The following TMEM68 variants were observed in gnomAD, a reference collection of about 807,000 sequenced individuals.
TMEM68 encodes DGAT1/2-independent enzyme synthesizing storage lipids.
A neutral mutation model predicts 36.9 loss-of-function variants in TMEM68; 25 were observed. That is an observed-to-expected ratio of 0.68 (90% CI 0.49 to 0.95). The LOEUF is 0.95. Ranked by LOEUF, TMEM68 falls within the 40% of genes least tolerant of loss-of-function variation. The probability of loss-of-function intolerance (pLI) is 0.00; values close to 1 mark genes in which losing one functional copy is unlikely to be tolerated. For synonymous variants in TMEM68, 131 were observed against 124.4 expected (o/e 1.05, Z -0.35); for missense variants, 333 against 392.0 (o/e 0.85, Z 1.27).
At chr8:55,765,226 C>T (rs1810927581) in intron 1 of TMEM68, among the ~76,000 whole-genome samples, 1 of 152,118 alleles carries the variant, frequency 6.6e-6, no homozygotes, top group South Asian at 2.1e-4. Context: ...AGTTTTGTAC[C>T]ACAGACCCTC....
At chr8:55,751,919 C>T (rs1296173651) in intron 4 of TMEM68, among the ~76,000 whole-genome samples, 5 of 152,222 alleles carry the variant, frequency 3.3e-5, no homozygotes, top group Middle Eastern at 3.4e-3. Context: ...TTAAAAACTA[C>T]GCAGACTGGT....
intron 7 of TMEM68, among the ~76,000 whole-genome samples, chr8:55,740,845 C>T (rs116813206): frequency 0.012 from 1,896 of 152,262 alleles, 38 homozygotes; most frequent in African/African-American, 0.044. Context: ...AGGCATGAGT[C>T]ATCATGAACT....
chr8:55,767,664 A>C (rs1811013452), intron 1 of TMEM68, among the ~76,000 whole-genome samples: 1 of 152,178 alleles, frequency 6.6e-6, no homozygotes, highest in Admixed American at 6.6e-5. Flanking sequence ...CTGGCCAGGC[A>C]CAGTGGCTCA....
At chr8:55,750,426 C>T (rs1427199779) in intron 5 of TMEM68, among the ~76,000 whole-genome samples, 2 of 152,018 alleles carry the variant, frequency 1.3e-5, no homozygotes, top group Admixed American at 6.6e-5. Context: ...CAGAAACTTT[C>T]CATAGGTAAT....
intron 3 of TMEM68, chr8:55,760,970 A>C (rs545216861): frequency 6.6e-6 from 1 of 152,352 alleles, no homozygotes; most frequent in South Asian, 2.1e-4. Context: ...GAAGGATTCT[A>C]TACAGAATAT....
intron 1 of TMEM68, among the ~76,000 whole-genome samples, chr8:55,764,526 G>A (rs1452610220): frequency 2.0e-5 from 3 of 152,182 alleles, no homozygotes; most frequent in Non-Finnish European, 4.4e-5. Context: ...AAGGATGAAA[G>A]GAGAGGAGGA....
intron 7 of TMEM68, among the ~76,000 whole-genome samples, chr8:55,742,173 C>T (rs1246528912): frequency 1.3e-5 from 2 of 152,104 alleles, no homozygotes; most frequent in Non-Finnish European, 2.9e-5. Flanking sequence ...TATGATTTCA[C>T]TCATATGAGG....
At chr8:55,770,134 A>C (rs534089949) in intron 1 of TMEM68, among the ~76,000 whole-genome samples, 8 of 152,342 alleles carry the variant, frequency 5.3e-5, no homozygotes, top group African/African-American at 1.9e-4. Context: ...CAGAAAGCCA[A>C]GTTTGCTTGC....
At position 55,740,180 on chromosome 8, in the gene TMEM68, T is replaced by C; in HGVS notation, c.927A>G (p.Gln309=). ...CACTCATAATGTTTCCTGGTATTCT[T>C]TGGTGCTTATCAATCAAAGCTTGAA... ...NAVQALIDKH[Q]RIPGNIMSAL... The change falls in exon 8 of 8, where the codon CAA becomes CAG. Residue 309 remains glutamine (Q), a synonymous_variant. Transcript: ENST00000434581. 1 of 1,613,528 alleles carries C rather than the reference T, an allele frequency of 6.2e-7. No homozygotes were observed. Among genetic ancestry groups the C allele is most frequent in the Non-Finnish European group, 8.5e-7 (1 of 1,179,882 alleles).
intron 5 of TMEM68, chr8:55,746,680 TA>T (rs1248061901): frequency 2.0e-5 from 3 of 152,188 alleles, no homozygotes; most frequent in Admixed American, 6.6e-5. Flanking sequence ...TAAATAAGCT[TA>T]AAAGTTATTC....
intron 1 of TMEM68, among the ~76,000 whole-genome samples, chr8:55,768,320 A>G (rs1811038548): frequency 6.6e-6 from 1 of 152,184 alleles, no homozygotes; most frequent in African/African-American, 2.4e-5. Context: ...AATGAATTGG[A>G]AACAGCAAAT....
At chr8:55,746,747 G>C (rs2129925397) in intron 5 of TMEM68, 1 of 152,282 alleles carries the variant, frequency 6.6e-6, no homozygotes, top group East Asian at 1.9e-4. Flanking sequence ...GAGACTACAG[G>C]CAAAGCCTTC....
intron 7 of TMEM68, among the ~76,000 whole-genome samples, chr8:55,741,827 T>A (rs1377093108): frequency 1.3e-5 from 2 of 152,120 alleles, no homozygotes; most frequent in Admixed American, 1.3e-4. Flanking sequence ...AATTAAATCA[T>A]GAAGGGAGTT....
chr8:55,748,587 G>A (rs1472684321), intron 5 of TMEM68, among the ~76,000 whole-genome samples: 2 of 151,930 alleles, frequency 1.3e-5, no homozygotes, highest in Non-Finnish European at 2.9e-5. Flanking sequence ...GGGGGGGAGA[G>A]AGAGAGAGAG....
intron 7 of TMEM68, among the ~76,000 whole-genome samples, chr8:55,741,645 T>C (rs1215621537): frequency 6.6e-6 from 1 of 152,036 alleles, no homozygotes; most frequent in Non-Finnish European, 1.5e-5. Flanking sequence ...GAACAGGGTA[T>C]TGTTTGGTGC....
At chr8:55,771,286 T>C (rs959472315) in intron 1 of TMEM68, among the ~76,000 whole-genome samples, 7 of 152,090 alleles carry the variant, frequency 4.6e-5, no homozygotes, top group African/African-American at 1.4e-4. Flanking sequence ...CTTTTTGGCT[T>C]TCAATAAAAC....
At chr8:55,746,667 ATTTAAATAAGCTTAAAAGT>A (rs1810287256) in intron 5 of TMEM68, 1 of 152,200 alleles carries the variant, frequency 6.6e-6, no homozygotes, top group Admixed American at 6.5e-5. Flanking sequence ...TAGGTGAGAT[ATTTAAATAAGCTTAAAAGT>A]TATTCCTACT....
intron 3 of TMEM68, chr8:55,761,424 C>T (rs1407245501): frequency 2.6e-5 from 4 of 152,186 alleles, no homozygotes; most frequent in Non-Finnish European, 5.9e-5. Flanking sequence ...TTAACTCCTC[C>T]TCCCTCAAGA....
intron 1 of TMEM68, among the ~76,000 whole-genome samples, chr8:55,767,986 T>C (rs1811027028): frequency 6.6e-6 from 1 of 152,118 alleles, no homozygotes; most frequent in African/African-American, 2.4e-5. Flanking sequence ...CCCAACATTT[T>C]AGAAGTTGGG....
Sources: allele counts gnomAD v4.1 joint callset (sites outside exome capture counted in the v4.1 genomes callset), GRCh38; gene constraint gnomAD v4.1.1; transcripts MANE v1.5; gene names NCBI Gene and HGNC (gene_info 2026-07-23, HGNC 2026-07-21).